AP3S2: variants seen among roughly 807,000 people sequenced by gnomAD.
AP3S2 encodes AP-3 complex subunit sigma-2.
A neutral mutation model predicts 23.4 loss-of-function variants in AP3S2; 22 were observed. The ratio of observed to expected loss-of-function variants is 0.94; its 90% CI spans 0.67 to 1.34. AP3S2 has a LOEUF of 1.34. AP3S2 is among the 40% of genes most tolerant of loss of function. The pLI is 0.00. For missense variants in AP3S2, 241 were observed against 236.9 expected, an observed-to-expected ratio of 1.02 and a Z score of -0.11; for synonymous variants, 86 against 87.1, an observed-to-expected ratio of 0.99 and a Z score of 0.07.
In AP3S2 at chr15:89,878,323, T is replaced by C. The variant is rs773857114; in HGVS notation, c.274-6777A>G. 27 of 640,038 alleles carry C rather than the reference T, an allele frequency of 4.2e-5. 1 individual carries two copies. The South Asian group carries it at 4.6e-4, about 11-fold the overall frequency. The allele number at this position is 640,038 out of a possible 1,614,324, so 39.6% of individuals were successfully genotyped here. On this transcript the variant is annotated intron_variant, in intron 3 of 5. Transcript: ENST00000336418. ...TACCTACATAAAGCAAAAAGACCAA[T>C]GGAGTAGGAGAAAATATTTGCAATA...
intron 4 of AP3S2, among the ~76,000 whole-genome samples, chr15:89,851,254 G>A (rs1895645631): frequency 6.6e-6 from 1 of 152,058 alleles, no homozygotes; most frequent in African/African-American, 2.4e-5. Context: ...AAACTAACTG[G>A]CAATTGGAGG....
chr15:89,856,552 A>C (rs1567177953), intron 4 of AP3S2, among the ~76,000 whole-genome samples: 1 of 152,018 alleles, frequency 6.6e-6, no homozygotes, highest in Non-Finnish European at 1.5e-5. Context: ...AATACAAAAA[A>C]TTAGCCAGGC....
intron 4 of AP3S2, among the ~76,000 whole-genome samples, chr15:89,858,244 C>G (rs1895887800): frequency 6.6e-6 from 1 of 151,592 alleles, no homozygotes; most frequent in Non-Finnish European, 1.5e-5. Context: ...TTGAGACCAG[C>G]CTGATCAACA....
At chr15:89,867,951 G>A (rs111483756) in intron 4 of AP3S2, among the ~76,000 whole-genome samples, 14 of 147,958 alleles carry the variant, frequency 9.5e-5, no homozygotes, top group East Asian at 2.1e-4. Context: ...CCGGCCAGCC[G>A]CCCCATCCGG....
chr15:89,845,126 T>C (rs1362928515), intron 4 of AP3S2, among the ~76,000 whole-genome samples: 1 of 152,140 alleles, frequency 6.6e-6, no homozygotes, highest in Non-Finnish European at 1.5e-5. Context: ...AGGCTGGTCT[T>C]GAACTCCTGA....
intron 3 of AP3S2, among the ~76,000 whole-genome samples, chr15:89,875,343 T>G (rs1159471765): frequency 6.6e-6 from 1 of 152,152 alleles, no homozygotes; most frequent in Non-Finnish European, 1.5e-5. Context: ...GAAAAAGACA[T>G]CCCCAGATAG....
intron 4 of AP3S2, among the ~76,000 whole-genome samples, chr15:89,844,211 CTTTCTTTCTTTCTTTCTTTCTTTCTT>C (rs1895409957): frequency 1.0e-4 from 1 of 9,566 alleles, no homozygotes; most frequent in Non-Finnish European, 2.7e-4. Context: ...CTTTCTTTCT[CTTTCTTTCTTTCTTTCTTTCTTTCTT>C]TCTTTCTTTC....
intron 4 of AP3S2, among the ~76,000 whole-genome samples, chr15:89,844,194 CCTCTTTCTTTCTTT>C (rs1339174756): frequency 1.2e-4 from 18 of 150,822 alleles, no homozygotes; most frequent in East Asian, 7.7e-4. Context: ...GCCAAAAAAC[CCTCTTTCTTTCTTT>C]CTCTTTCTTT....
intron 1 of AP3S2, among the ~76,000 whole-genome samples, chr15:89,891,358 T>C (rs1178334831): frequency 6.6e-6 from 1 of 152,128 alleles, no homozygotes; most frequent in Non-Finnish European, 1.5e-5. Context: ...TTTTGGAAAC[T>C]GAAATCAAAA....
chr15:89,865,132 C>A (rs1896087839), intron 4 of AP3S2, among the ~76,000 whole-genome samples: 1 of 152,164 alleles, frequency 6.6e-6, no homozygotes, highest in Admixed American at 6.5e-5. Flanking sequence ...ATACTATGCA[C>A]ACATCCACTG....
chr15:89,892,651 C>CAT (rs748065061), intron 1 of AP3S2, among the ~76,000 whole-genome samples: 25 of 133,646 alleles, frequency 1.9e-4, no homozygotes, highest in South Asian at 4.6e-4. Context: ...CATATACATA[C>CAT]ATATATATAT....
Position 89,835,458 on chromosome 15 carries a change from T to C in AP3S2, c.*57A>G, listed in dbSNP as rs781219565. 1 of 1,605,684 alleles carries C rather than the reference T, an allele frequency of 6.2e-7. No homozygotes were observed. Among genetic ancestry groups the C allele is most frequent in the Non-Finnish European group, 8.5e-7 (1 of 1,175,120 alleles). ...AAATGGGTTCTGTTTCCAGACGTGCTTGCCTTGCTTGTCTTTGCTTGTCTT... is the reference window on the plus strand; with the variant it reads ...AAATGGGTTCTGTTTCCAGACGTGCCTGCCTTGCTTGTCTTTGCTTGTCTT... On this transcript the variant is annotated 3_prime_UTR_variant, in exon 6 of 6. Transcript: ENST00000336418.
intron 4 of AP3S2, among the ~76,000 whole-genome samples, chr15:89,867,926 G>T (rs1328837325): frequency 6.8e-6 from 1 of 146,866 alleles, no homozygotes. Context: ...GAGGTGGGGG[G>T]GGTCAGCCCC....
At chr15:89,875,121 G>C (rs923395197) in intron 3 of AP3S2, among the ~76,000 whole-genome samples, 1 of 152,218 alleles carries the variant, frequency 6.6e-6, no homozygotes, top group East Asian at 1.9e-4. Flanking sequence ...GCAAAGCTTT[G>C]AGGTGGCTGG....
intron 3 of AP3S2, among the ~76,000 whole-genome samples, chr15:89,884,861 G>T (rs1355196814): frequency 6.6e-6 from 1 of 152,042 alleles, no homozygotes; most frequent in East Asian, 1.9e-4. Flanking sequence ...TATTGGCCTG[G>T]CTGGTCTCGA....
chr15:89,888,516 C>T lies in AP3S2; in HGVS notation c.273+5G>A. The T allele has an allele frequency of 6.2e-7, 1 of 1,613,926 alleles. No individual in the cohort carries two copies. The highest frequency in any genetic ancestry group is 8.5e-7 in the Non-Finnish European group (1 of 1,179,812). On this transcript the variant is annotated splice_donor_5th_base_variant and intron_variant, in intron 3 of 5. Coordinates refer to ENST00000336418, the MANE Select transcript of AP3S2 (RefSeq NM_005829.5). ...CTGCTGCCATCATTAGCTGACTACA[C>T]ATACCTGGATGAGGTCCAAGATTCC...
intron 4 of AP3S2, among the ~76,000 whole-genome samples, chr15:89,838,663 A>C (rs1317301265): frequency 6.6e-6 from 1 of 152,182 alleles, no homozygotes; most frequent in Non-Finnish European, 1.5e-5. Context: ...AGCAAGTACA[A>C]CCTTCTATTG....
chr15:89,846,527 T>C (rs1895494178), intron 4 of AP3S2, among the ~76,000 whole-genome samples: 1 of 152,024 alleles, frequency 6.6e-6, no homozygotes. Flanking sequence ...CCCGGCTAAT[T>C]TTTTTTCTTT....
intron 4 of AP3S2, among the ~76,000 whole-genome samples, chr15:89,868,228 T>C (rs1409317573): frequency 4.4e-4 from 15 of 34,418 alleles, no homozygotes; most frequent in Non-Finnish European, 5.7e-4. Flanking sequence ...GGGTCAGCCC[T>C]CCGCCCGGCC....
Sources: allele counts gnomAD v4.1 joint callset (sites outside exome capture counted in the v4.1 genomes callset), GRCh38; gene constraint gnomAD v4.1.1; transcripts MANE v1.5; gene names NCBI Gene and HGNC (gene_info 2026-07-23, HGNC 2026-07-21).